SOX6: variants seen among roughly 807,000 people sequenced by gnomAD.
SOX6 encodes transcription factor SOX-6.
SOX6 carries 11 observed loss-of-function variants against 97.8 expected under a neutral mutation model. That is an observed-to-expected ratio of 0.11 (90% CI 0.07 to 0.19). The LOEUF is 0.19. Ranked by LOEUF, SOX6 falls within the 10% of genes least tolerant of loss-of-function variation. The pLI, the probability that SOX6 is intolerant of heterozygous loss-of-function variation, is 1.00. For missense variants in SOX6, 810 were observed against 1,039.5 expected (o/e 0.78, Z 3.04); for synonymous variants, 360 against 371.4 (o/e 0.97, Z 0.35).
rs1229242988 is a variant in SOX6 at position 15,967,017 on chromosome 11, T to A, written c.*5792A>T. ...TGTGATGGCAACCCTTAAGGTCATT[T>A]AAAAACTTTACACTGGACTGTACAA... On this transcript the variant is annotated 3_prime_UTR_variant, in exon 16 of 16. Transcript: ENST00000683767. 6.6e-6 allele frequency: 1 copy of A among 152,242 alleles called. No individual in the cohort carries two copies. The highest frequency in any genetic ancestry group is 1.5e-5 in the Non-Finnish European group (1 of 68,042). The allele number at this position is 152,242 out of a possible 1,614,324, so 9.4% of individuals were successfully genotyped here. A position where few individuals can be genotyped will look rare whatever the true frequency, so the allele number is the denominator to read the frequency against.
chr11:16,393,656 A>C (rs931026531), intron 1 of SOX6, among the ~76,000 whole-genome samples: 1 of 151,994 alleles, frequency 6.6e-6, no homozygotes. Context: ...TATTTTTGGA[A>C]CCCTAAGATA....
chr11:16,002,216 C>T (rs1403857753), intron 13 of SOX6, among the ~76,000 whole-genome samples: 1 of 152,162 alleles, frequency 6.6e-6, no homozygotes, highest in Non-Finnish European at 1.5e-5. Flanking sequence ...AGGGGCTATA[C>T]TAAAGCCTTT....
chr11:16,683,475 G>A (rs1847944538), intron 3 of SOX6, among the ~76,000 whole-genome samples: 1 of 152,174 alleles, frequency 6.6e-6, no homozygotes, highest in African/African-American at 2.4e-5. Flanking sequence ...ACAAAAACAA[G>A]AAATGGGGAA....
At chr11:16,124,612 G>A (rs1384207703) in intron 6 of SOX6, among the ~76,000 whole-genome samples, 2 of 152,064 alleles carry the variant, frequency 1.3e-5, no homozygotes, top group Admixed American at 1.3e-4. Context: ...GAGGGCATGT[G>A]AGTGCAAAGG....
intron 12 of SOX6, among the ~76,000 whole-genome samples, chr11:16,030,202 TATG>T (rs1855330164): frequency 6.6e-6 from 1 of 152,200 alleles, no homozygotes; most frequent in Admixed American, 6.5e-5. Flanking sequence ...TTAGTGTAAA[TATG>T]ATCTATTTAG....
intron 1 of SOX6, among the ~76,000 whole-genome samples, chr11:16,458,421 A>AT (rs5789957): frequency 1 from 151,279 of 152,014 alleles, 75,279 homozygotes; most frequent in Middle Eastern, 1. Context: ...TTAAAAATTT[A>AT]TTTTAAAGTA....
chr11:16,118,191 C>T (rs981910832), intron 6 of SOX6, among the ~76,000 whole-genome samples: 19 of 152,154 alleles, frequency 1.2e-4, no homozygotes, highest in Admixed American at 9.2e-4. Flanking sequence ...AACCGGAAAC[C>T]CCATCACGGG....
intron 4 of SOX6, among the ~76,000 whole-genome samples, chr11:16,231,744 A>G (rs1197759851): frequency 6.6e-6 from 1 of 151,816 alleles, no homozygotes; most frequent in Non-Finnish European, 1.5e-5. Flanking sequence ...TTAAATGTTG[A>G]AGAAAAGGCC....
At chr11:16,065,779 T>G (rs1414065821) in intron 9 of SOX6, among the ~76,000 whole-genome samples, 1 of 152,058 alleles carries the variant, frequency 6.6e-6, no homozygotes, top group Non-Finnish European at 1.5e-5. Flanking sequence ...AAAAACTTAA[T>G]TCTTAGACAA....
At chr11:16,536,049 T>C (rs1490369977) in intron 4 of SOX6, among the ~76,000 whole-genome samples, 3 of 152,198 alleles carry the variant, frequency 2.0e-5, no homozygotes, top group Non-Finnish European at 4.4e-5. Flanking sequence ...ATTTTACAGA[T>C]CACCCTCACA....
intron 1 of SOX6, among the ~76,000 whole-genome samples, chr11:16,470,228 G>A (rs1476322919): frequency 2.0e-5 from 3 of 152,048 alleles, no homozygotes; most frequent in Non-Finnish European, 2.9e-5. Context: ...AGCCCTATTT[G>A]TGGATTTTCA....
At chr11:16,001,546 C>T (rs894080195) in intron 13 of SOX6, among the ~76,000 whole-genome samples, 5 of 152,126 alleles carry the variant, frequency 3.3e-5, no homozygotes, top group African/African-American at 9.7e-5. Flanking sequence ...AATCACTATT[C>T]GGCAATCTGA....
At chr11:16,133,673 G>A (rs1256379528) in intron 6 of SOX6, among the ~76,000 whole-genome samples, 1 of 150,988 alleles carries the variant, frequency 6.6e-6, no homozygotes, top group Non-Finnish European at 1.5e-5. Flanking sequence ...GTTTTGTTTT[G>A]TTTTGTTTTG....
At chr11:16,087,876 C>T (rs572243466) in intron 9 of SOX6, among the ~76,000 whole-genome samples, 9 of 152,038 alleles carry the variant, frequency 5.9e-5, no homozygotes, top group Non-Finnish European at 1.3e-4. Flanking sequence ...AATCTTCGCA[C>T]TATTGGAATT....
At chr11:16,709,510 T>A in intron 3 of SOX6, among the ~76,000 whole-genome samples, 1 of 150,608 alleles carries the variant, frequency 6.6e-6, no homozygotes, top group East Asian at 2.0e-4. Context: ...ATAGCAAGAC[T>A]GTGTCTCAAA....
chr11:16,692,054 T>TGC (rs1158339143), intron 3 of SOX6, among the ~76,000 whole-genome samples: 2 of 122,130 alleles, frequency 1.6e-5, no homozygotes, highest in Non-Finnish European at 3.4e-5. Context: ...GATTTGCGTG[T>TGC]GCGTGTGTGT....
intron 4 of SOX6, among the ~76,000 whole-genome samples, chr11:16,199,558 A>C (rs551591078): frequency 3.3e-5 from 5 of 152,238 alleles, no homozygotes; most frequent in African/African-American, 1.2e-4. Context: ...TTTTAAAAAA[A>C]GTTAACTAGT....
In SOX6 at chr11:16,287,298, T is replaced by TCACA. The variant is rs371413164; in HGVS notation, c.445+31144_445+31147dup. Among the ~76,000 whole-genome samples, 205 of 123,468 alleles carry TCACA rather than the reference T, an allele frequency of 1.7e-3. 1 individual carries two copies. Among genetic ancestry groups the TCACA allele is most frequent in the African/African-American group, 5.6e-3 (174 of 30,822 alleles). The allele number at this position is 123,468 out of a possible 152,430, so 81.0% of individuals were successfully genotyped here. A position where few individuals can be genotyped will look rare whatever the true frequency, so the allele number is the denominator to read the frequency against. On this transcript the variant is annotated intron_variant, in intron 3 of 15. Coordinates refer to ENST00000683767, the MANE Select transcript of SOX6 (RefSeq NM_001367873.1). The stretch of plus-strand genomic sequence containing the variant: ...CTCTCTCTCTCTCTCTCTCTCTCTC[T>TCACA]CACACACACACACACACACACACAC...
chr11:16,685,823 T>C (rs1171531068), intron 3 of SOX6, among the ~76,000 whole-genome samples: 1 of 152,272 alleles, frequency 6.6e-6, no homozygotes. Flanking sequence ...TACCCTGCAG[T>C]AGGCTTCTGC....
Sources: gnomAD v4.1 joint callset for allele counts (sites outside exome capture counted in the v4.1 genomes callset) on GRCh38, gnomAD v4.1.1 for gene constraint, MANE v1.5 for transcripts, NCBI Gene and HGNC (gene_info 2026-07-23, HGNC 2026-07-21) for gene names.